PCDHGA7: variants seen among roughly 807,000 people sequenced by gnomAD.
PCDHGA7 encodes the protein protocadherin gamma-A7.
A neutral mutation model predicts 58.3 loss-of-function variants in PCDHGA7; 44 were observed. That is an observed-to-expected ratio of 0.75 (90% CI 0.59 to 0.97). The LOEUF (loss-of-function observed/expected upper bound fraction) is 0.97. Among genes scored for constraint, PCDHGA7 ranks in the 50% least tolerant of loss-of-function variants. PCDHGA7 has a pLI of 0.00. For missense variants in PCDHGA7, 1,266 were observed against 1,188.7 expected (o/e 1.06, Z -0.96); for synonymous variants, 516 against 504.2 (o/e 1.02, Z -0.31).
intron 1 of PCDHGA7, chr5:141,419,395 G>A: frequency 6.2e-7 from 1 of 1,613,596 alleles, no homozygotes; most frequent in Non-Finnish European, 8.5e-7. Context: ...CGCAGAGCGG[G>A]GTGGTGTTCG....
rs759437302 is a variant in PCDHGA7, at chr5:141,476,861, T to C, written c.2425-17946T>C. On this transcript the variant is annotated intron_variant, in intron 1 of 3. Transcript: ENST00000518325. The surrounding 1 kb of genome is among the most constrained non-coding windows in gnomAD (Gnocchi z 7.6). Reference sequence around the variant, plus strand: ...TGCGCCTGTCTTCAACCAGTCCTTGTACCGGGCGCGCGTCCTGGAGGATGC... The same window carrying C: ...TGCGCCTGTCTTCAACCAGTCCTTGCACCGGGCGCGCGTCCTGGAGGATGC... 6.2e-7 allele frequency: 1 copy of C among 1,613,864 alleles called. No individual in the cohort carries two copies. The highest frequency in any genetic ancestry group is 1.7e-5 in the Admixed American group (1 of 60,034).
chr5:141,409,130 G>T (rs1265386524), intron 1 of PCDHGA7: 1 of 1,613,994 alleles, frequency 6.2e-7, no homozygotes, highest in Admixed American at 1.7e-5. Context: ...ATTTGATTTT[G>T]AAGATGTAGA....
rs762414791 is a variant in PCDHGA7 at position 141,418,601 on chromosome 5, A to G, written c.2424+33278A>G. The G allele has an allele frequency of 3.5e-5, 57 of 1,613,930 alleles. No individual in the cohort carries two copies. The highest frequency in any genetic ancestry group is 1.7e-6 in the Non-Finnish European group (2 of 1,179,902). On this transcript the variant is annotated intron_variant, in intron 1 of 3. Coordinates refer to ENST00000518325, the MANE Select transcript of PCDHGA7 (RefSeq NM_018920.4). ...CCCAGTGTTCAGCCAGGACGTGTAC[A>G]GGGTTAGCCTTCGGGAAGACGTGCC...
chr5:141,394,491 C>G, intron 1 of PCDHGA7: 1 of 1,614,234 alleles, frequency 6.2e-7, no homozygotes, highest in East Asian at 2.2e-5. Flanking sequence ...TGACAACGCG[C>G]CCGAGATCCT....
intron 1 of PCDHGA7, chr5:141,418,522 C>A: frequency 6.2e-7 from 1 of 1,614,000 alleles, no homozygotes; most frequent in Non-Finnish European, 8.5e-7. Flanking sequence ...GGGACCCTCC[C>A]CGAAGCGGTA....
chr5:141,408,105 G>A (rs566753835), intron 1 of PCDHGA7: 22 of 1,439,788 alleles, frequency 1.5e-5, no homozygotes, highest in Admixed American at 8.2e-5. Context: ...TCCGAGACCC[G>A]GGACTCCTCC....
chr5:141,432,128 T>C lies in PCDHGA7; in HGVS notation c.2424+46805T>C. 3 of 1,614,080 alleles carry C rather than the reference T, an allele frequency of 1.9e-6. No homozygotes were observed. Among genetic ancestry groups the C allele is most frequent in the Non-Finnish European group, 2.5e-6 (3 of 1,180,016 alleles). On this transcript the variant is annotated intron_variant, in intron 1 of 3. Coordinates refer to ENST00000518325, the MANE Select transcript of PCDHGA7 (RefSeq NM_018920.4). This position sits in a 1 kb window ranked among gnomAD's most constrained non-coding sequence, Gnocchi z 6.0. ...CCCGCCGGTCTTCCCTCAGGCCTCC[T>C]ATTCCGCTTATATCCCAGAGAACAA... is the stretch of plus-strand genomic sequence containing the variant.
rs368141492 is a variant in PCDHGA7, at chr5:141,385,189, C to A, written c.2290C>A (p.Arg764=). Residue 764 remains arginine (R), a synonymous_variant, in exon 1 of 4, where the codon CGG becomes AGG. Coordinates refer to ENST00000518325, the MANE Select transcript of PCDHGA7 (RefSeq NM_018920.4). Reference sequence around the variant, plus strand: ...TGAGGTCTCCCTCACCGCGGACTCTCGGAAGAGTCACCTGATCTTCCCCCA... The same window carrying A: ...TGAGGTCTCCCTCACCGCGGACTCTAGGAAGAGTCACCTGATCTTCCCCCA... The part of the protein sequence containing the change: ...SHEVSLTADS[R]KSHLIFPQPN... The A allele has an allele frequency of 4.3e-4, 696 of 1,614,224 alleles. No homozygotes were observed. Among genetic ancestry groups the A allele is most frequent in the Non-Finnish European group, 5.4e-4 (633 of 1,180,048 alleles).
rs926814527 is a variant in PCDHGA7 at position 141,388,113 on chromosome 5, G to A, written c.2424+2790G>A. 7 of 1,412,244 alleles carry A rather than the reference G, an allele frequency of 5.0e-6. No individual in the cohort carries two copies. Among genetic ancestry groups the A allele is most frequent in the African/African-American group, 4.3e-5 (3 of 69,434 alleles). 87.5% of individuals were successfully genotyped at this position (1,412,244 alleles called of 1,614,324 possible). On this transcript the variant is annotated intron_variant, in intron 1 of 3. Transcript: ENST00000518325. ...CAGTTCGGAGAAGCCTTACTTCACCGTGAGCGCAGAGAGCGGGGAGTTGCT... is the reference window on the plus strand; with the variant it reads ...CAGTTCGGAGAAGCCTTACTTCACCATGAGCGCAGAGAGCGGGGAGTTGCT...
At chr5:141,413,417 T>C in intron 1 of PCDHGA7, 18 of 1,614,086 alleles carry the variant, frequency 1.1e-5, no homozygotes, top group Non-Finnish European at 1.5e-5. Context: ...CTTTTCTCTC[T>C]GAACCCGCGC....
chr5:141,433,090 C>T, intron 1 of PCDHGA7: 2 of 1,614,210 alleles, frequency 1.2e-6, no homozygotes, highest in Non-Finnish European at 1.7e-6. Flanking sequence ...ACTATGCAGA[C>T]ATGCTCGTCA....
At position 141,486,891 on chromosome 5, in the gene PCDHGA7, G is replaced by C. The variant is rs201201426; in HGVS notation, c.2425-7916G>C. On this transcript the variant is annotated intron_variant, in intron 1 of 3. Transcript: ENST00000518325. This position sits in a 1 kb window ranked among gnomAD's most constrained non-coding sequence, Gnocchi z 5.0. ...GTGCTCCGTCCTCGGGCCCGGCCTGGTTCCTTATGTCCCCAAGCACTGCCT... is the reference window on the plus strand; with the variant it reads ...GTGCTCCGTCCTCGGGCCCGGCCTGCTTCCTTATGTCCCCAAGCACTGCCT... 14 of 1,614,118 alleles carry C rather than the reference G, an allele frequency of 8.7e-6. No homozygotes were observed. The highest frequency in any genetic ancestry group is 3.3e-5 in the Admixed American group (2 of 60,008).
chr5:141,415,134 C>T (rs760482028), intron 1 of PCDHGA7: 10 of 1,613,552 alleles, frequency 6.2e-6, no homozygotes, highest in South Asian at 3.3e-5. Context: ...TCCAGGACCA[C>T]GGCCAGCCCC....
chr5:141,389,481 C>A, intron 1 of PCDHGA7: 1 of 1,613,080 alleles, frequency 6.2e-7, no homozygotes, highest in Non-Finnish European at 8.5e-7. Context: ...ACTGCAGGCC[C>A]GCGACCAGGG....
chr5:141,388,378 A>G, intron 1 of PCDHGA7: 1 of 1,614,028 alleles, frequency 6.2e-7, no homozygotes, highest in Non-Finnish European at 8.5e-7. Context: ...ATTGGTAGCA[A>G]CACACTGCAG....
intron 1 of PCDHGA7, among the ~76,000 whole-genome samples, chr5:141,425,603 A>G (rs2096884807): frequency 6.6e-6 from 1 of 152,218 alleles, no homozygotes; most frequent in Non-Finnish European, 1.5e-5. Context: ...TATGCCCTAT[A>G]TAGCTTTCAG....
intron 2 of PCDHGA7, among the ~76,000 whole-genome samples, chr5:141,500,184 T>TTTTTTTTA (rs1554186429): frequency 7.8e-4 from 106 of 135,966 alleles, no homozygotes; most frequent in African/African-American, 2.4e-3. Context: ...TCATTTTTAT[T>TTTTTTTTA]TTTATTTATT....
chr5:141,395,427 T>A, intron 1 of PCDHGA7: 2 of 722,004 alleles, frequency 2.8e-6, no homozygotes, highest in Non-Finnish European at 4.3e-6. Flanking sequence ...CATTTGCTTT[T>A]AAACGACTTG....
At chr5:141,469,951 T>G (rs1467717372) in intron 1 of PCDHGA7, among the ~76,000 whole-genome samples, 2 of 152,034 alleles carry the variant, frequency 1.3e-5, no homozygotes, top group African/African-American at 4.8e-5. Context: ...GCCAGCATGG[T>G]GAAACCCCAT....
Sources: allele counts gnomAD v4.1 joint callset (sites outside exome capture counted in the v4.1 genomes callset), GRCh38; gene constraint gnomAD v4.1.1; non-coding constraint Gnocchi (gnomAD v3.1); transcripts MANE v1.5; gene names NCBI Gene and HGNC (gene_info 2026-07-23, HGNC 2026-07-21).